Variants in SLC24A3 observed in about 807,000 individuals in gnomAD.
The protein encoded by SLC24A3 is sodium/potassium/calcium exchanger 3.
In SLC24A3, 28 loss-of-function variants were observed where a neutral mutation model predicts 75.8. The ratio of observed to expected loss-of-function variants is 0.37; its 90% CI spans 0.27 to 0.51. The LOEUF is 0.51. SLC24A3 is among the 20% of genes least tolerant of loss of function. SLC24A3 has a pLI of 0.94. For missense variants in SLC24A3, 663 were observed against 847.8 expected, an observed-to-expected ratio of 0.78 and a Z score of 2.71; for synonymous variants, 372 against 334.1, an observed-to-expected ratio of 1.11 and a Z score of -1.24.
intron 3 of SLC24A3, among the ~76,000 whole-genome samples, chr20:19,519,603 A>G (rs902838907): frequency 6.6e-6 from 1 of 152,250 alleles, no homozygotes; most frequent in Non-Finnish European, 1.5e-5. Context: ...GCCCCAAGAA[A>G]ACACTTGTCT....
intron 2 of SLC24A3, among the ~76,000 whole-genome samples, chr20:19,453,787 C>G (rs1276647845): frequency 6.6e-6 from 1 of 152,208 alleles, no homozygotes; most frequent in African/African-American, 2.4e-5. Context: ...GGCTCCCTCT[C>G]CCCAGATCAC....
At chr20:19,681,386 A>T (rs1418134802) in intron 9 of SLC24A3, among the ~76,000 whole-genome samples, 1 of 152,196 alleles carries the variant, frequency 6.6e-6, no homozygotes, top group African/African-American at 2.4e-5. Context: ...AGACTGTGAC[A>T]CACAGCCACT....
chr20:19,711,174 C>T (rs570161461), intron 15 of SLC24A3, among the ~76,000 whole-genome samples: 113 of 150,978 alleles, frequency 7.5e-4, no homozygotes, highest in East Asian at 5.9e-4. Context: ...TGCAGGCAAA[C>T]GTACACACAC....
chr20:19,678,787 G>A (rs1482922288), intron 9 of SLC24A3, among the ~76,000 whole-genome samples: 34 of 150,352 alleles, frequency 2.3e-4, no homozygotes, highest in African/African-American at 7.8e-4. Flanking sequence ...CTTCTCAGAC[G>A]GGGCGGTTGC....
intron 2 of SLC24A3, among the ~76,000 whole-genome samples, chr20:19,305,732 T>C (rs767249454): frequency 1.3e-5 from 2 of 152,110 alleles, no homozygotes; most frequent in Non-Finnish European, 2.9e-5. Context: ...CCCCATTCTT[T>C]CACCATATAC....
intron 3 of SLC24A3, among the ~76,000 whole-genome samples, chr20:19,577,395 G>A (rs2031155073): frequency 6.6e-6 from 1 of 152,100 alleles, no homozygotes; most frequent in Non-Finnish European, 1.5e-5. Flanking sequence ...AAATAATTTT[G>A]TACAGATTAT....
chr20:19,593,998 C>T (rs1235784002), intron 6 of SLC24A3, among the ~76,000 whole-genome samples: 2 of 152,150 alleles, frequency 1.3e-5, no homozygotes, highest in Non-Finnish European at 2.9e-5. Context: ...GCACAGAGAC[C>T]CCTCATCTCC....
chr20:19,561,862 G>A lies in SLC24A3; in HGVS notation c.349-18138G>A, dbSNP rs117936927. On this transcript the variant is annotated intron_variant, in intron 3 of 16. Transcript: ENST00000328041. Reference sequence around the variant, plus strand: ...TACAGCTGAAATATGGACCCAGGCTGTCTGATTCCTGGTTTGTAACCACAG... The same window carrying A: ...TACAGCTGAAATATGGACCCAGGCTATCTGATTCCTGGTTTGTAACCACAG... Among the ~76,000 whole-genome samples the A allele has an allele frequency of 2.6e-5, 4 of 152,256 alleles. No individual in the cohort carries two copies. In the East Asian group the frequency reaches 7.7e-4, roughly 29 times the overall value.
intron 2 of SLC24A3, among the ~76,000 whole-genome samples, chr20:19,337,801 G>T (rs1429226415): frequency 6.6e-6 from 1 of 152,198 alleles, no homozygotes; most frequent in Non-Finnish European, 1.5e-5. Context: ...TGATCATCTG[G>T]TGGTCAGCTT....
chr20:19,475,473 A>G (rs1309924947), intron 2 of SLC24A3, among the ~76,000 whole-genome samples: 2 of 152,222 alleles, frequency 1.3e-5, no homozygotes. Context: ...AATATGATAG[A>G]CCTAGAAAAT....
chr20:19,516,398 T>G (rs2029988840), intron 3 of SLC24A3, among the ~76,000 whole-genome samples: 1 of 152,228 alleles, frequency 6.6e-6, no homozygotes, highest in Admixed American at 6.5e-5. Context: ...TCCATTCTAG[T>G]TATTTATCGC....
In SLC24A3 at chr20:19,693,206, G is replaced by A. The variant is rs2032765559; in HGVS notation, c.1325-53G>A. The A allele has an allele frequency of 2.6e-6, 4 of 1,554,488 alleles. No homozygotes were observed. The Admixed American group carries it at 7.7e-5, about 30-fold the overall frequency. On this transcript the variant is annotated intron_variant, in intron 12 of 16. Transcript: ENST00000328041. ...CAGAGCAAAGAAATAAAGCTAACTG[G>A]GGTTCTTTGTTATTTTTTTTTTATT...
rs187696222 is a variant in SLC24A3 at position 19,689,754 on chromosome 20, G to A, written c.1325-3505G>A. Among the ~76,000 whole-genome samples, 31 of 152,300 alleles carry A rather than the reference G, an allele frequency of 2.0e-4. No homozygotes were observed. The East Asian group carries it at 2.9e-3, about 14-fold the overall frequency. On this transcript the variant is annotated intron_variant, in intron 12 of 16. Transcript: ENST00000328041. ...CAGAAATGGAAATTAAGGGCTGGGC[G>A]TGGTGGCTCATGCCTGTAATCCCAG...
chr20:19,577,215 C>T (rs2031150649), intron 3 of SLC24A3, among the ~76,000 whole-genome samples: 1 of 152,018 alleles, frequency 6.6e-6, no homozygotes, highest in Non-Finnish European at 1.5e-5. Flanking sequence ...CCACCACGCG[C>T]AGCTAATTTT....
At chr20:19,501,627 G>T (rs1285381640) in intron 2 of SLC24A3, among the ~76,000 whole-genome samples, 2 of 152,190 alleles carry the variant, frequency 1.3e-5, no homozygotes, top group Admixed American at 1.3e-4. Flanking sequence ...ACATGTTCTT[G>T]CCTCTGAGCC....
At chr20:19,479,042 T>C (rs1044997912) in intron 2 of SLC24A3, among the ~76,000 whole-genome samples, 1 of 152,252 alleles carries the variant, frequency 6.6e-6, no homozygotes, top group African/African-American at 2.4e-5. Flanking sequence ...CCTTAGCATG[T>C]AGCAGGTCTC....
chr20:19,406,529 C>T (rs1568609998), intron 2 of SLC24A3, among the ~76,000 whole-genome samples: 1 of 152,188 alleles, frequency 6.6e-6, no homozygotes, highest in East Asian at 1.9e-4. Flanking sequence ...TCTGAACAAA[C>T]AGGATGTGAT....
At chr20:19,327,812 A>G (rs1984906185) in intron 2 of SLC24A3, among the ~76,000 whole-genome samples, 1 of 152,114 alleles carries the variant, frequency 6.6e-6, no homozygotes, top group Admixed American at 6.5e-5. Context: ...ATGTATATTT[A>G]TTGGACACCC....
chr20:19,706,876 A>G (rs1013508697), intron 15 of SLC24A3, among the ~76,000 whole-genome samples: 3 of 152,158 alleles, frequency 2.0e-5, no homozygotes, highest in African/African-American at 7.2e-5. Flanking sequence ...TCTGTTAGCT[A>G]TGGTTACCCT....
Sources: allele counts gnomAD v4.1 joint callset (sites outside exome capture counted in the v4.1 genomes callset), GRCh38; gene constraint gnomAD v4.1.1; transcripts MANE v1.5; gene names NCBI Gene and HGNC (gene_info 2026-07-23, HGNC 2026-07-21).